Variants in NME7 observed in about 807,000 individuals in gnomAD.
NME7 encodes NME/NM23 family member 7.
In NME7, 41 loss-of-function variants were observed where a neutral mutation model predicts 49.1. That is an observed-to-expected ratio of 0.83 (90% CI 0.65 to 1.08). The LOEUF (loss-of-function observed/expected upper bound fraction) is 1.08. Among genes scored for constraint, NME7 ranks in the 50% least tolerant of loss-of-function variants. NME7 has a pLI of 0.00. For missense variants in NME7, 423 were observed against 463.4 expected, an observed-to-expected ratio of 0.91 and a Z score of 0.80; for synonymous variants, 139 against 150.6, an observed-to-expected ratio of 0.92 and a Z score of 0.56.
At chr1:169,228,361 C>A (rs1647431693) in intron 10 of NME7, among the ~76,000 whole-genome samples, 1 of 152,036 alleles carries the variant, frequency 6.6e-6, no homozygotes, top group African/African-American at 2.4e-5. Context: ...TCAAGCTGAT[C>A]ACTCACAGTT....
chr1:169,286,314 T>C, intron 7 of NME7: 1 of 152,138 alleles, frequency 6.6e-6, no homozygotes, highest in East Asian at 1.9e-4. Context: ...TCCAATTTTC[T>C]ACTATATACA....
At chr1:169,217,843 A>G (rs1406698187) in intron 10 of NME7, among the ~76,000 whole-genome samples, 1 of 152,168 alleles carries the variant, frequency 6.6e-6, no homozygotes, top group Non-Finnish European at 1.5e-5. Context: ...CACCTGCCAC[A>G]GCTTAAAGCA....
intron 5 of NME7, among the ~76,000 whole-genome samples, chr1:169,299,993 C>T (rs754802390): frequency 1.6e-4 from 24 of 152,216 alleles, no homozygotes; most frequent in South Asian, 2.1e-4. Context: ...TACAATCTAA[C>T]GCCCTATTAA....
In NME7 at chr1:169,266,965, G is replaced by A. The variant is rs181968982; in HGVS notation, c.754+20338C>T. 1.2e-4 allele frequency among the ~76,000 whole-genome samples: 16 copies of A among 133,090 alleles called. 2 individuals carry two copies. The East Asian group carries it at 3.2e-3, about 26-fold the overall frequency. The allele number at this position is 133,090 out of a possible 152,430, so 87.3% of individuals were successfully genotyped here. On this transcript the variant is annotated intron_variant, in intron 7 of 11. Coordinates refer to ENST00000367811, the MANE Select transcript of NME7 (RefSeq NM_013330.5). Reference sequence around the variant, plus strand: ...TGCCTGTAATCCCAGCTACTTGGGAGGCTGAGGCACAAGAATCGCTTGAAC... The same window carrying A: ...TGCCTGTAATCCCAGCTACTTGGGAAGCTGAGGCACAAGAATCGCTTGAAC...
intron 4 of NME7, among the ~76,000 whole-genome samples, chr1:169,304,314 A>G (rs1004536778): frequency 1.3e-5 from 2 of 152,240 alleles, no homozygotes; most frequent in African/African-American, 4.8e-5. Flanking sequence ...TGTGACAAAT[A>G]TATGTAAACA....
At chr1:169,139,142 ACTTCTTAGTCATAACAGTAT>A (rs879469987) in intron 11 of NME7, among the ~76,000 whole-genome samples, 43 of 152,316 alleles carry the variant, frequency 2.8e-4, no homozygotes, top group Non-Finnish European at 5.1e-4. Flanking sequence ...CATAACAGTA[ACTTCTTAGTCATAACAGTAT>A]CTTCTTAGTC....
intron 4 of NME7, among the ~76,000 whole-genome samples, chr1:169,306,749 G>A (rs370720413): frequency 2.8e-4 from 43 of 152,308 alleles, no homozygotes; most frequent in African/African-American, 9.9e-4. Context: ...TGGATGCAGT[G>A]GCTCATGCCT....
At chr1:169,226,318 T>C (rs1244828228) in intron 10 of NME7, among the ~76,000 whole-genome samples, 1 of 152,212 alleles carries the variant, frequency 6.6e-6, no homozygotes, top group East Asian at 1.9e-4. Context: ...CAAACCTGTA[T>C]TGGTTTGATC....
In NME7 at chr1:169,269,749, G is replaced by T. The variant is rs1649432801; in HGVS notation, c.754+17554C>A. Among the ~76,000 whole-genome samples, 2 of 133,646 alleles carry T rather than the reference G, an allele frequency of 1.5e-5. 1 individual carries two copies. The highest frequency in any genetic ancestry group is 5.1e-5 in the African/African-American group (2 of 39,510). 87.7% of individuals were successfully genotyped at this position (133,646 alleles called of 152,430 possible). A position where few individuals can be genotyped will look rare whatever the true frequency, so the allele number is the denominator to read the frequency against. ...TAATTCTTATACCAGAGCCAATTCT[G>T]ATGCTAAATTTACAAATTGGTCAAT... is the stretch of plus-strand genomic sequence containing the variant. On this transcript the variant is annotated intron_variant, in intron 7 of 11. Transcript: ENST00000367811.
At chr1:169,194,486 A>G (rs1660317275) in intron 10 of NME7, among the ~76,000 whole-genome samples, 1 of 152,192 alleles carries the variant, frequency 6.6e-6, no homozygotes, top group Non-Finnish European at 1.5e-5. Context: ...AGCTGGCATG[A>G]TAAGAAAATC....
At chr1:169,281,601 G>C (rs980509702) in intron 7 of NME7, among the ~76,000 whole-genome samples, 4 of 152,062 alleles carry the variant, frequency 2.6e-5, no homozygotes, top group African/African-American at 9.7e-5. Flanking sequence ...GTCATAAATC[G>C]CTCTTATTAT....
At chr1:169,328,695 A>C (rs900305600) in intron 1 of NME7, among the ~76,000 whole-genome samples, 13 of 152,242 alleles carry the variant, frequency 8.5e-5, no homozygotes, top group Non-Finnish European at 4.4e-5. Context: ...TTAATAAATC[A>C]GAGCCAAAGT....
rs568718120 is a variant in NME7, at chr1:169,268,030, A to C, written c.754+19273T>G. Among the ~76,000 whole-genome samples the C allele has an allele frequency of 1.3e-3, 174 of 133,790 alleles. 43 individuals are homozygous for C. The highest frequency in any genetic ancestry group is 3.9e-3 in the South Asian group (17 of 4,356). The allele number at this position is 133,790 out of a possible 152,430, so 87.8% of individuals were successfully genotyped here. A position where few individuals can be genotyped will look rare whatever the true frequency, so the allele number is the denominator to read the frequency against. On this transcript the variant is annotated intron_variant, in intron 7 of 11. Coordinates refer to ENST00000367811, the MANE Select transcript of NME7 (RefSeq NM_013330.5). Reference sequence around the variant, plus strand: ...ACAGAATGAGAGAAAATATTTGCTAACTATACGTCTGACAGAGGTCTAACA... The same window carrying C: ...ACAGAATGAGAGAAAATATTTGCTACCTATACGTCTGACAGAGGTCTAACA...
At chr1:169,252,441 A>C (rs1648673988) in intron 7 of NME7, among the ~76,000 whole-genome samples, 1 of 151,766 alleles carries the variant, frequency 6.6e-6, no homozygotes, top group Non-Finnish European at 1.5e-5. Flanking sequence ...GTTTGAGTTC[A>C]TTGTAGATTC....
At chr1:169,226,020 GTA>G in intron 10 of NME7, among the ~76,000 whole-genome samples, 1 of 151,862 alleles carries the variant, frequency 6.6e-6, no homozygotes, top group Middle Eastern at 3.4e-3. Context: ...CAGGTGTTAG[GTA>G]TATATATATA....
At chr1:169,219,659 A>T (rs991400271) in intron 10 of NME7, among the ~76,000 whole-genome samples, 1 of 152,158 alleles carries the variant, frequency 6.6e-6, no homozygotes, top group African/African-American at 2.4e-5. Context: ...CTCAGCATCT[A>T]AAGTAGCTGG....
intron 8 of NME7, among the ~76,000 whole-genome samples, chr1:169,236,725 T>TA (rs1381606006): frequency 2.6e-5 from 4 of 151,466 alleles, no homozygotes; most frequent in African/African-American, 9.7e-5. Context: ...ATTTCCCTTT[T>TA]TTTTTTTTCT....
chr1:169,217,791 G>A (rs976964773), intron 10 of NME7, among the ~76,000 whole-genome samples: 11 of 152,184 alleles, frequency 7.2e-5, no homozygotes, highest in African/African-American at 2.7e-4. Flanking sequence ...ATTGCATGGT[G>A]TAGCCTTTTT....
intron 1 of NME7, among the ~76,000 whole-genome samples, chr1:169,366,535 C>T (rs914239302): frequency 4.0e-5 from 6 of 151,872 alleles, no homozygotes; most frequent in African/African-American, 1.2e-4. Flanking sequence ...AAAGGCTGAA[C>T]GCACAGGAAA....
Sources: allele counts gnomAD v4.1 joint callset (sites outside exome capture counted in the v4.1 genomes callset), GRCh38; gene constraint gnomAD v4.1.1; transcripts MANE v1.5; gene names NCBI Gene and HGNC (gene_info 2026-07-23, HGNC 2026-07-21).